Variants in RGS6 observed in about 807,000 individuals in gnomAD.
The protein encoded by RGS6 is regulator of G protein signaling 6.
RGS6 carries 30 observed loss-of-function variants against 78.5 expected under a neutral mutation model. That is an observed-to-expected ratio of 0.38 (90% CI 0.29 to 0.52). RGS6 has a LOEUF of 0.52. Ranked by LOEUF, RGS6 falls within the 20% of genes least tolerant of loss-of-function variation. RGS6 has a pLI of 0.85. For synonymous variants in RGS6, 206 were observed against 206.0 expected (o/e 1.00, Z 0.00); for missense variants, 495 against 609.7 (o/e 0.81, Z 1.98).
intron 17 of RGS6, among the ~76,000 whole-genome samples, chr14:72,554,513 C>A (rs2097545068): frequency 6.6e-6 from 1 of 152,072 alleles, no homozygotes; most frequent in Non-Finnish European, 1.5e-5. Flanking sequence ...TTTCCTAGAG[C>A]CTTTTGGTCT....
intron 2 of RGS6, among the ~76,000 whole-genome samples, chr14:72,021,174 T>A (rs773996189): frequency 6.6e-6 from 1 of 152,180 alleles, no homozygotes; most frequent in Non-Finnish European, 1.5e-5. Flanking sequence ...TGGCCAGACG[T>A]CTTTGTCCTT....
the RGS6 span, among the ~76,000 whole-genome samples, chr14:72,605,537 A>G: frequency 6.6e-6 from 1 of 152,218 alleles, no homozygotes; most frequent in Non-Finnish European, 1.5e-5. Context: ...TGGCCCTGCT[A>G]AAAGCGCTGA....
rs2067091663 is a variant in RGS6, at chr14:72,305,740, C to A, written c.85-46355C>A. On this transcript the variant is annotated intron_variant, in intron 2 of 17. Coordinates refer to ENST00000553525, the MANE Select transcript of RGS6 (RefSeq NM_001204424.2). ...AGACACAGCAATATTGAAATTAGAC[C>A]AATTCATAACCCTACAATGGCTTCT... Among the ~76,000 whole-genome samples, 2 of 152,070 alleles carry A rather than the reference C, an allele frequency of 1.3e-5. 1 individual carries two copies. Among genetic ancestry groups the A allele is most frequent in the South Asian group, 4.2e-4 (2 of 4,818 alleles).
At chr14:72,411,299 T>A (rs1365485748) in intron 3 of RGS6, among the ~76,000 whole-genome samples, 1 of 152,238 alleles carries the variant, frequency 6.6e-6, no homozygotes, top group Non-Finnish European at 1.5e-5. Context: ...CCTTGTCAGT[T>A]GGATTCCTAG....
intron 2 of RGS6, among the ~76,000 whole-genome samples, chr14:72,260,899 TG>T (rs2058043972): frequency 6.6e-6 from 1 of 152,192 alleles, no homozygotes; most frequent in African/African-American, 2.4e-5. Context: ...CAGAGAAAGA[TG>T]TGTACATTTT....
intron 3 of RGS6, among the ~76,000 whole-genome samples, chr14:72,379,977 C>A (rs989309347): frequency 6.6e-6 from 1 of 151,886 alleles, no homozygotes; most frequent in African/African-American, 2.4e-5. Context: ...GACACAGAGA[C>A]CAATAGAGCA....
At chr14:72,607,189 G>T in the RGS6 span, among the ~76,000 whole-genome samples, 7 of 152,314 alleles carry the variant, frequency 4.6e-5, no homozygotes, top group Admixed American at 2.6e-4. Context: ...ACCTCTCTCA[G>T]AAATTGATGG....
At chr14:71,919,839 T>A in the RGS6 span, among the ~76,000 whole-genome samples, 1 of 151,650 alleles carries the variant, frequency 6.6e-6, no homozygotes, top group African/African-American at 2.4e-5. Flanking sequence ...ACTAAACATA[T>A]AAAAATTAGC....
intron 2 of RGS6, among the ~76,000 whole-genome samples, chr14:72,253,388 A>C (rs1469953770): frequency 6.6e-6 from 1 of 152,240 alleles, no homozygotes; most frequent in African/African-American, 2.4e-5. Flanking sequence ...TAACTTAGTG[A>C]AAGACAACTT....
At chr14:72,395,019 T>G (rs543200660) in intron 3 of RGS6, among the ~76,000 whole-genome samples, 4 of 151,922 alleles carry the variant, frequency 2.6e-5, no homozygotes, top group Admixed American at 6.5e-5. Flanking sequence ...CCTGACTTCC[T>G]GCAACAATAA....
chr14:71,898,680 C>T, the RGS6 span, among the ~76,000 whole-genome samples: 3 of 152,140 alleles, frequency 2.0e-5, no homozygotes, highest in African/African-American at 7.2e-5. Context: ...TCCCACCCCC[C>T]CGACAGGCCC....
Position 72,563,402 on chromosome 14 carries a change from G to A in RGS6, c.*935G>A, listed in dbSNP as rs924408903. On this transcript the variant is annotated 3_prime_UTR_variant, in exon 18 of 18. Transcript: ENST00000553525. ...CAGGTGGGAGCTGGGAGGGTCCCCA[G>A]CCCAGGAGGTGGCTGGATTGCAGGG... The A allele has an allele frequency of 3.3e-5, 5 of 152,918 alleles. No individual in the cohort carries two copies. The highest frequency in any genetic ancestry group is 7.2e-5 in the African/African-American group (3 of 41,444). 9.5% of individuals were successfully genotyped at this position (152,918 alleles called of 1,614,324 possible). A position where few individuals can be genotyped will look rare whatever the true frequency, so the allele number is the denominator to read the frequency against.
chr14:72,314,406 T>G (rs1038228029), intron 2 of RGS6, among the ~76,000 whole-genome samples: 6 of 152,228 alleles, frequency 3.9e-5, no homozygotes, highest in East Asian at 1.9e-4. Context: ...TGTCTTTTCT[T>G]GGGAAAGTTA....
At chr14:72,580,432 T>C in the RGS6 span, among the ~76,000 whole-genome samples, 54 of 151,960 alleles carry the variant, frequency 3.6e-4, no homozygotes, top group African/African-American at 1.3e-3. Context: ...GAGTGGGAAC[T>C]GAGGCTGATG....
intron 12 of RGS6, among the ~76,000 whole-genome samples, chr14:72,493,331 A>G (rs1278308652): frequency 1.3e-5 from 2 of 152,230 alleles, no homozygotes; most frequent in Non-Finnish European, 2.9e-5. Flanking sequence ...TATTTCATCC[A>G]TAAAACAAGA....
chr14:72,329,292 TATTA>T (rs2074468272), intron 2 of RGS6, among the ~76,000 whole-genome samples: 1 of 152,270 alleles, frequency 6.6e-6, no homozygotes, highest in Admixed American at 6.5e-5. Context: ...CGGCGCTTCT[TATTA>T]ATCCTTATTG....
chr14:72,139,244 G>T (rs979758175), intron 2 of RGS6, among the ~76,000 whole-genome samples: 8 of 152,198 alleles, frequency 5.3e-5, no homozygotes, highest in African/African-American at 1.7e-4. Context: ...GGTAAGACCT[G>T]CTGCCCAAGC....
chr14:72,486,525 C>T (rs978659981), intron 12 of RGS6, among the ~76,000 whole-genome samples: 7 of 152,102 alleles, frequency 4.6e-5, no homozygotes, highest in African/African-American at 1.7e-4. Context: ...GGAGTACTCA[C>T]CATCCAGAAT....
intron 1 of RGS6, among the ~76,000 whole-genome samples, chr14:71,961,304 A>C (rs1375448412): frequency 1.3e-5 from 2 of 152,176 alleles, no homozygotes; most frequent in Non-Finnish European, 2.9e-5. Context: ...CTGAGGGTCT[A>C]GCTCAGAGCT....
Sources: allele counts gnomAD v4.1 joint callset (sites outside exome capture counted in the v4.1 genomes callset), GRCh38; gene constraint gnomAD v4.1.1; transcripts MANE v1.5; gene names NCBI Gene and HGNC (gene_info 2026-07-23, HGNC 2026-07-21).